The following SLC2A5 variants were observed in gnomAD, a reference collection of about 807,000 sequenced individuals.
The protein encoded by SLC2A5 is solute carrier family 2, facilitated glucose transporter member 5.
SLC2A5 carries 56 observed loss-of-function variants against 50.3 expected under a neutral mutation model. The observed-to-expected ratio is 1.11, with a 90% CI of 0.90 to 1.39. The LOEUF is 1.39. Ranked by LOEUF, SLC2A5 falls within the 40% of genes most tolerant of loss-of-function variation. The pLI, the probability that SLC2A5 is intolerant of heterozygous loss-of-function variation, is 0.00. For missense variants in SLC2A5, 566 were observed against 650.1 expected, an observed-to-expected ratio of 0.87 and a Z score of 1.41; for synonymous variants, 269 against 281.9, an observed-to-expected ratio of 0.95 and a Z score of 0.46.
intron 3 of SLC2A5, among the ~76,000 whole-genome samples, chr1:9,055,058 C>A (rs900858145): frequency 6.6e-6 from 1 of 152,128 alleles, no homozygotes; most frequent in Non-Finnish European, 1.5e-5. Flanking sequence ...AATAAAGCAA[C>A]AGATTGAGAA....
At chr1:9,056,224 T>G (rs961705719) in intron 3 of SLC2A5, among the ~76,000 whole-genome samples, 28 of 152,162 alleles carry the variant, frequency 1.8e-4, no homozygotes, top group Admixed American at 1.8e-3. Context: ...TCGCTCTTGT[T>G]GCCCAGGCTG....
At chr1:9,056,561 G>C (rs1380923369) in intron 3 of SLC2A5, among the ~76,000 whole-genome samples, 1 of 152,040 alleles carries the variant, frequency 6.6e-6, no homozygotes, top group Non-Finnish European at 1.5e-5. Flanking sequence ...GGGCTCACTA[G>C]ATCTGTGACC....
intron 1 of SLC2A5, among the ~76,000 whole-genome samples, chr1:9,067,412 C>A (rs1292374406): frequency 6.6e-6 from 1 of 152,218 alleles, no homozygotes. Flanking sequence ...TTTCCTTTCG[C>A]AATGTGTTAC....
Position 9,054,041 on chromosome 1 carries a change from G to T in SLC2A5, c.293+3407C>A, listed in dbSNP as rs114609912. On this transcript the variant is annotated intron_variant, in intron 3 of 11. Transcript: ENST00000377424. Reference sequence around the variant, plus strand: ...GTAGCAGGTTTATTACATCCGAAGAGAGAATTAATGAATAGGAAGGTAGAC... The same window carrying T: ...GTAGCAGGTTTATTACATCCGAAGATAGAATTAATGAATAGGAAGGTAGAC... Among the ~76,000 whole-genome samples, 722 of 152,174 alleles carry T rather than the reference G, an allele frequency of 4.7e-3. 6 individuals carry two copies. Among genetic ancestry groups the T allele is most frequent in the Non-Finnish European group, 6.4e-3 (436 of 68,020 alleles).
At chr1:9,089,224 C>T (rs970611553), upstream of SLC2A5, among the ~76,000 whole-genome samples, 50 of 152,318 alleles carry the variant, frequency 3.3e-4, no homozygotes, top group African/African-American at 9.9e-4. Context: ...TTACCTGTCT[C>T]CTTGTGGGCA....
At chr1:9,088,150 C>T (rs1305714032) in intron 1 of SLC2A5, among the ~76,000 whole-genome samples, 1 of 152,064 alleles carries the variant, frequency 6.6e-6, no homozygotes, top group Non-Finnish European at 1.5e-5. Flanking sequence ...CAAGCTTGCA[C>T]CCTTCATGAA....
At chr1:9,043,735 T>C (rs58761580) in intron 4 of SLC2A5, among the ~76,000 whole-genome samples, 2,212 of 151,968 alleles carry the variant, frequency 0.015, 55 homozygotes, top group African/African-American at 0.049. Context: ...TTTTTTTTTT[T>C]TCGAGATGCG....
intron 2 of SLC2A5, among the ~76,000 whole-genome samples, chr1:9,083,576 A>C (rs982190495): frequency 6.6e-6 from 1 of 152,106 alleles, no homozygotes; most frequent in African/African-American, 2.4e-5. Flanking sequence ...TAATCCCAGC[A>C]CTTTGGGAGG....
chr1:9,040,046 C>G lies in SLC2A5; in HGVS notation c.697+18G>C, dbSNP rs1450973713. 2 of 1,583,836 alleles carry G rather than the reference C, an allele frequency of 1.3e-6. No homozygotes were observed. Among genetic ancestry groups the G allele is most frequent in the East Asian group, 4.5e-5 (2 of 44,066 alleles). ...GGGAGCAGAACCTGGAGGCCGCCCC[C>G]GCCAGAGCCCTCGTTACCTTTCTTG... On this transcript the variant is annotated intron_variant, in intron 6 of 11. Coordinates refer to ENST00000377424, the MANE Select transcript of SLC2A5 (RefSeq NM_003039.3). The surrounding 1 kb of genome is among the most constrained non-coding windows in gnomAD (Gnocchi z 4.3).
chr1:9,039,815 C>T lies in SLC2A5; in HGVS notation c.870G>A (p.Leu290=), dbSNP rs1234243626. The T allele has an allele frequency of 6.3e-7, 1 of 1,596,420 alleles. No homozygotes were observed. The highest frequency in any genetic ancestry group is 1.7e-5 in the Admixed American group (1 of 57,832). Residue 290 remains leucine (L), a synonymous_variant, in exon 7 of 12, where the codon CTG becomes CTA. Transcript: ENST00000377424. ...CGGCCCATACAGCGTTGACGCCCGACAGCTGCTGGCCGCCCATGAGGACGA... is the reference window on the plus strand; with the variant it reads ...CGGCCCATACAGCGTTGACGCCCGATAGCTGCTGGCCGCCCATGAGGACGA... ...SIIVLMGGQQ[L]SGVNAIYYYA... is the part of the protein sequence containing the mutation.
At chr1:9,062,586 T>G (rs79306237) in intron 1 of SLC2A5, among the ~76,000 whole-genome samples, 11,839 of 152,098 alleles carry the variant, frequency 0.078, 675 homozygotes, top group African/African-American at 0.17. Context: ...AAAAAATTAC[T>G]CCAGGCTGGG....
chr1:9,065,836 A>T (rs1642066119), intron 1 of SLC2A5, among the ~76,000 whole-genome samples: 1 of 152,134 alleles, frequency 6.6e-6, no homozygotes, highest in African/African-American at 2.4e-5. Context: ...CGTCTCTACG[A>T]AAAAATTTAA....
At chr1:9,065,200 T>C (rs1433893899) in intron 1 of SLC2A5, among the ~76,000 whole-genome samples, 3 of 152,192 alleles carry the variant, frequency 2.0e-5, no homozygotes, top group Non-Finnish European at 4.4e-5. Context: ...TCCTATGCTC[T>C]CCAAAGTACT....
In SLC2A5 at chr1:9,041,774, C is replaced by A. The variant is rs937894718; in HGVS notation, c.571+11G>T. On this transcript the variant is annotated intron_variant, in intron 5 of 11. Coordinates refer to ENST00000377424, the MANE Select transcript of SLC2A5 (RefSeq NM_003039.3). ...AGGGGTGGGGGTGCTCCCGAGATGT[C>A]CTGAACTCACCATCTACGTTTGCAA... 6.8e-6 allele frequency: 11 copies of A among 1,614,012 alleles called. No individual in the cohort carries two copies. Among genetic ancestry groups the A allele is most frequent in the Non-Finnish European group, 9.3e-6 (11 of 1,180,008 alleles).
intron 2 of SLC2A5, among the ~76,000 whole-genome samples, chr1:9,078,476 A>G (rs1642317278): frequency 6.6e-6 from 1 of 152,160 alleles, no homozygotes; most frequent in South Asian, 2.1e-4. Flanking sequence ...GGGAGAGAAG[A>G]CTTTGTATTG....
upstream of SLC2A5, among the ~76,000 whole-genome samples, chr1:9,091,602 T>A (rs143206319): frequency 3.0e-4 from 46 of 152,294 alleles, no homozygotes; most frequent in East Asian, 8.1e-3. Context: ...CTCTTCATGA[T>A]GCCCCCTGTT....
At chr1:9,089,008 T>C (rs1642435055), upstream of SLC2A5, among the ~76,000 whole-genome samples, 1 of 152,224 alleles carries the variant, frequency 6.6e-6, no homozygotes, top group South Asian at 2.1e-4. Flanking sequence ...TTAATTTAAC[T>C]TGGCATGACA....
At chr1:9,047,229 T>A (rs183633452) in intron 4 of SLC2A5, among the ~76,000 whole-genome samples, 20 of 152,322 alleles carry the variant, frequency 1.3e-4, no homozygotes, top group Admixed American at 6.5e-5. Context: ...CCAGAGTAGC[T>A]GGATTGCAGG....
At chr1:9,084,280 A>G (rs1642383307) in intron 2 of SLC2A5, among the ~76,000 whole-genome samples, 1 of 152,264 alleles carries the variant, frequency 6.6e-6, no homozygotes, top group African/African-American at 2.4e-5. Context: ...ATCTTCATAA[A>G]TATCCCACCC....
Sources: gnomAD v4.1 joint callset for allele counts (sites outside exome capture counted in the v4.1 genomes callset) on GRCh38, gnomAD v4.1.1 for gene constraint, Gnocchi (gnomAD v3.1) non-coding constraint, MANE v1.5 for transcripts, NCBI Gene and HGNC (gene_info 2026-07-23, HGNC 2026-07-21) for gene names.